The following ANKHD1 variants were observed in gnomAD, a reference collection of about 807,000 sequenced individuals.
The protein encoded by ANKHD1 is ankyrin repeat and KH domain-containing protein 1.
In ANKHD1, 31 loss-of-function variants were observed where a neutral mutation model predicts 230.5. That is an observed-to-expected ratio of 0.13 (90% confidence interval 0.10 to 0.18). The LOEUF is 0.18. ANKHD1 is among the 10% of genes least tolerant of loss of function. ANKHD1 has a pLI of 1.00. For missense variants in ANKHD1, 2,256 were observed against 3,071.3 expected (o/e 0.73, Z 6.27); for synonymous variants, 1,074 against 1,117.6 (o/e 0.96, Z 0.78).
rs201257324 is a variant in ANKHD1 at position 140,467,265 on chromosome 5, ACT to A, written c.1782+2492_1782+2493del. Among the ~76,000 whole-genome samples, 308 of 152,176 alleles carry A rather than the reference ACT, an allele frequency of 2.0e-3. 3 individuals are homozygous for A. The highest frequency in any genetic ancestry group is 0.019 in the East Asian group (99 of 5,188). On this transcript the variant is annotated intron_variant, in intron 10 of 33. Coordinates refer to ENST00000360839, the MANE Select transcript of ANKHD1 (RefSeq NM_017747.3). Reference sequence around the variant, plus strand: ...ATTACAAATACTGTTAGATTTAATAACTCTATATGTATAACTTTTTACCTTTT... The same window carrying A: ...ATTACAAATACTGTTAGATTTAATAACTATATGTATAACTTTTTACCTTTT...
At chr5:140,474,302 G>C (rs115938328) in intron 10 of ANKHD1, among the ~76,000 whole-genome samples, 6 of 152,052 alleles carry the variant, frequency 3.9e-5, no homozygotes, top group Admixed American at 3.9e-4. Flanking sequence ...GAAGAGTATT[G>C]GAATCCTCTA....
chr5:140,505,978 T>G, intron 18 of ANKHD1, 109 bp downstream of exon 18: 1 of 1,488,616 alleles, frequency 6.7e-7, no homozygotes, highest in Non-Finnish European at 8.9e-7. Flanking sequence ...TTTTGTGTGT[T>G]TGTTTTTCTG....
chr5:140,523,108 C>CTTT (rs374008554), intron 24 of ANKHD1, among the ~76,000 whole-genome samples: 11 of 93,490 alleles, frequency 1.2e-4, no homozygotes, highest in East Asian at 3.0e-4. Context: ...TTTCTTTTTC[C>CTTT]TTTTTTTTTT....
At chr5:140,443,426 C>G (rs575580760) in intron 5 of ANKHD1, among the ~76,000 whole-genome samples, 2 of 151,808 alleles carry the variant, frequency 1.3e-5, no homozygotes, top group Non-Finnish European at 2.9e-5. Context: ...CGTGGTGGCT[C>G]ACGCCTGTAA....
At chr5:140,473,940 G>A (rs901971665) in intron 10 of ANKHD1, among the ~76,000 whole-genome samples, 10 of 152,168 alleles carry the variant, frequency 6.6e-5, no homozygotes, top group African/African-American at 2.2e-4. Context: ...TAGGGGGTCT[G>A]CATTTGAACT....
intron 14 of ANKHD1, among the ~76,000 whole-genome samples, chr5:140,495,125 G>A (rs1751968274): frequency 1.3e-5 from 2 of 152,188 alleles, no homozygotes; most frequent in African/African-American, 4.8e-5. Flanking sequence ...TTTGATATGA[G>A]TGGAATTACA....
At chr5:140,477,069 G>C (rs770869177) in intron 10 of ANKHD1, among the ~76,000 whole-genome samples, 1 of 152,140 alleles carries the variant, frequency 6.6e-6, no homozygotes, top group Non-Finnish European at 1.5e-5. Flanking sequence ...AACAAATGCT[G>C]TTTGCAGGAG....
At position 140,441,019 on chromosome 5, in the gene ANKHD1, G is replaced by A. The variant is rs1168454842; in HGVS notation, c.790G>A (p.Val264Ile). Residue 264 changes from valine to isoleucine, a missense_variant, in exon 5 of 34, where the codon GTT becomes ATT. Around this residue, in one of 13 missense-constraint regions of ANKHD1, gnomAD observed 206 missense variants for 304.5 expected, o/e 0.68. Coordinates refer to ENST00000360839, the MANE Select transcript of ANKHD1 (RefSeq NM_017747.3). ...GGTATTGCTTGCTATGCATGCTAATGTTGAAGATCGAGGGAATAAAGGAGA... is the reference window on the plus strand; with the variant it reads ...GGTATTGCTTGCTATGCATGCTAATATTGAAGATCGAGGGAATAAAGGAGA... ...AQVLLAMHAN[V>I]EDRGNKGDIT... 3.1e-6 allele frequency: 5 copies of A among 1,609,992 alleles called. No homozygotes were observed. In the South Asian group the frequency reaches 4.4e-5, roughly 14 times the overall value.
rs1446057677 is a variant in ANKHD1, at chr5:140,504,964, C to T, written c.3148C>T (p.His1050Tyr). Residue 1050 changes from histidine to tyrosine, a missense_variant and splice_region_variant, in exon 16 of 34, where the codon CAT (histidine) becomes TAT (tyrosine). Physicochemically the swap from His to Tyr is moderately conservative, Grantham distance 83 (BLOSUM62 2). Transcript: ENST00000360839. The part of the protein sequence containing the change: ...PVYPSVDIDA[H>Y]TESNHDTALT... ...GTATCCTTCAGTTGACATTGATGCA[C>T]ATGTGAGTAGATTGCTTTATTTAAA... 1.2e-6 allele frequency: 2 copies of T among 1,613,666 alleles called. No homozygotes were observed. Among genetic ancestry groups the T allele is most frequent in the East Asian group, 2.2e-5 (1 of 44,878 alleles).
intron 10 of ANKHD1, among the ~76,000 whole-genome samples, chr5:140,467,847 T>C (rs768415251): frequency 2.6e-5 from 4 of 152,038 alleles, no homozygotes; most frequent in African/African-American, 4.8e-5. Context: ...GTAATTCTTA[T>C]CAACTTTATC....
chr5:140,430,018 G>C (rs1370704875), intron 1 of ANKHD1, among the ~76,000 whole-genome samples: 1 of 152,138 alleles, frequency 6.6e-6, no homozygotes, highest in African/African-American at 2.4e-5. Flanking sequence ...TGTCAAAATG[G>C]AATAAAAATG....
intron 1 of ANKHD1, among the ~76,000 whole-genome samples, chr5:140,415,930 C>T (rs1581210065): frequency 6.6e-6 from 1 of 151,966 alleles, no homozygotes; most frequent in East Asian, 1.9e-4. Context: ...AATGCTATCC[C>T]TTCCCCCTCC....
chr5:140,508,605 A>G (rs1752633506), intron 20 of ANKHD1, among the ~76,000 whole-genome samples: 1 of 152,040 alleles, frequency 6.6e-6, no homozygotes, highest in Admixed American at 6.6e-5. Flanking sequence ...AAGTACAAAA[A>G]ATTAGCTGGA....
At chr5:140,425,970 T>C (rs546715862) in intron 1 of ANKHD1, among the ~76,000 whole-genome samples, 1 of 152,258 alleles carries the variant, frequency 6.6e-6, no homozygotes, top group East Asian at 1.9e-4. Flanking sequence ...TGATCCTGAC[T>C]TAAAGTGGAG....
chr5:140,445,095 A>C (rs182359607), intron 5 of ANKHD1, among the ~76,000 whole-genome samples: 2 of 152,124 alleles, frequency 1.3e-5, no homozygotes, highest in East Asian at 3.9e-4. Flanking sequence ...CCTGGGTTCA[A>C]GCAATCCTCC....
Position 140,445,760 on chromosome 5 carries a change from A to G in ANKHD1, c.932A>G (p.Tyr311Cys), listed in dbSNP as rs372026805. The G allele has an allele frequency of 1.2e-6, 2 of 1,604,396 alleles. No homozygotes were observed. The highest frequency in any genetic ancestry group is 2.2e-5 in the East Asian group (1 of 44,674). ...QSATGNTALT[Y>C]ACAGGFVDIV... ...TTTTTAGGAAACACTGCGCTAACTT[A>G]TGCATGTGCTGGAGGATTTGTTGAC... Residue 311 changes from tyrosine to cysteine, a missense_variant, in exon 6 of 34, where the codon TAT becomes TGT. Coordinates refer to ENST00000360839, the MANE Select transcript of ANKHD1 (RefSeq NM_017747.3).
rs1561754226 is a variant in ANKHD1 at position 140,458,809 on chromosome 5, T to A, written c.1427T>A (p.Met476Lys). Residue 476 changes from methionine to lysine, a missense_variant, in exon 8 of 34, where the codon ATG becomes AAG. Transcript: ENST00000360839. ...EVNDEGYTPL[M>K]EAAREGHEEM... ...AATGATGAAGGATACACTCCCTTGA[T>A]GGAAGCTGCCCGGGAAGGACATGAA... The A allele has an allele frequency of 6.2e-7, 1 of 1,613,176 alleles. No individual in the cohort carries two copies. The highest frequency in any genetic ancestry group is 8.5e-7 in the Non-Finnish European group (1 of 1,179,696).
rs751753955 is a variant in ANKHD1, at chr5:140,528,694, G to A, written c.5748G>A (p.Gln1916=). 1.2e-6 allele frequency: 2 copies of A among 1,614,154 alleles called. No homozygotes were observed. The highest frequency in any genetic ancestry group is 2.2e-5 in the South Asian group (2 of 91,088). ...KHNNTSRLPN[Q]NGTVLPSESA... ...ATAACACAAGCCGTCTACCTAACCA[G>A]AACGGGACTGTTTTACCCTCAGAGT... is the stretch of plus-strand genomic sequence containing the variant. Residue 1916 remains glutamine (Q), a synonymous_variant, in exon 29 of 34, where the codon CAG becomes CAA. Transcript: ENST00000360839.
intron 22 of ANKHD1, 25 bp downstream of exon 22, chr5:140,510,206 G>T: frequency 6.4e-7 from 1 of 1,571,706 alleles, no homozygotes; most frequent in Non-Finnish European, 8.7e-7. Context: ...GGGAAGAAAG[G>T]TCAATTTTAA....
Sources: allele counts gnomAD v4.1 joint callset (sites outside exome capture counted in the v4.1 genomes callset), GRCh38; gene constraint gnomAD v4.1.1; regional missense constraint gnomAD v4.1.1; transcripts MANE v1.5; gene names NCBI Gene and HGNC (gene_info 2026-07-23, HGNC 2026-07-21).